The following EPHA8 variants were observed in gnomAD, a reference collection of about 807,000 sequenced individuals.
EPHA8 encodes ephrin type-A receptor 8.
Under a neutral mutation model 103.6 loss-of-function variants are expected in EPHA8, and 58 were observed. That is an observed-to-expected ratio of 0.56 (90% confidence interval 0.45 to 0.70). The LOEUF (loss-of-function observed/expected upper bound fraction) is 0.70, where lower values mean the gene tolerates loss of function less well. Ranked by LOEUF, EPHA8 falls within the 30% of genes least tolerant of loss-of-function variation. The pLI is 0.00. For missense variants in EPHA8, 1,304 were observed against 1,395.2 expected (o/e 0.93, Z 1.04); for synonymous variants, 559 against 572.5 (o/e 0.98, Z 0.34).
chr1:22,601,407 G>C lies in EPHA8; in HGVS notation c.2837G>C (p.Arg946Pro). 6.2e-7 allele frequency: 1 copy of C among 1,611,416 alleles called. No homozygotes were observed. The highest frequency in any genetic ancestry group is 8.5e-7 in the Non-Finnish European group (1 of 1,179,850). The stretch of plus-strand genomic sequence containing the variant: ...TGGCTGGACTCCATCCGCATGGGCC[G>C]GTACCGAGACCACTTCGCTGCGGGC... ...GDWLDSIRMG[R>P]YRDHFAAGGY... Residue 946 changes from arginine (R) to proline (P), a missense_variant, in exon 16 of 17, where the codon CGG (arginine) becomes CCG (proline). Transcript: ENST00000166244.
chr1:22,571,711 C>T (rs1414745462), intron 2 of EPHA8, among the ~76,000 whole-genome samples: 2 of 152,150 alleles, frequency 1.3e-5, no homozygotes, highest in Non-Finnish European at 2.9e-5. Flanking sequence ...CAGAGTCCCA[C>T]ATCCAGGAGG....
intron 1 of EPHA8, among the ~76,000 whole-genome samples, chr1:22,568,664 C>T (rs1640439036): frequency 6.6e-6 from 1 of 152,230 alleles, no homozygotes; most frequent in Non-Finnish European, 1.5e-5. Flanking sequence ...CAGCTCTTAC[C>T]CCGCTAAGCC....
chr1:22,579,579 G>T (rs757740362), intron 3 of EPHA8, among the ~76,000 whole-genome samples: 3 of 152,202 alleles, frequency 2.0e-5, no homozygotes, highest in Non-Finnish European at 4.4e-5. Context: ...AGCTTGTGTG[G>T]ACAAACAGCA....
chr1:22,570,390 G>A (rs553879249), intron 2 of EPHA8, among the ~76,000 whole-genome samples: 29 of 84,752 alleles, frequency 3.4e-4, no homozygotes, highest in African/African-American at 1.1e-3. Context: ...ACACGCGCGC[G>A]CGCATACGCA....
chr1:22,601,093 C>T lies in EPHA8; in HGVS notation c.2729+5C>T. On this transcript the variant is annotated splice_donor_5th_base_variant and intron_variant, in intron 15 of 16. Transcript: ENST00000166244. ...GGCCACCGCCACAGTCAGCAGGTGC[C>T]TTGTGCCCACCCCAGCTCCTTGAGG... 6.3e-7 allele frequency: 1 copy of T among 1,599,314 alleles called. No homozygotes were observed. The highest frequency in any genetic ancestry group is 8.5e-7 in the Non-Finnish European group (1 of 1,172,752).
Position 22,597,894 on chromosome 1 carries a change from A to G in EPHA8, c.2116+33A>G. ...CCGGGCAAAGACAGCCTCCCCCTGC[A>G]GTGCCCCTCCTGCCTGGAGAGGCCT... On this transcript the variant is annotated intron_variant, in intron 11 of 16. Coordinates refer to ENST00000166244, the MANE Select transcript of EPHA8 (RefSeq NM_020526.5). This position sits in a 1 kb window ranked among gnomAD's most constrained non-coding sequence, Gnocchi z 4.6. 1 of 1,590,752 alleles carries G rather than the reference A, an allele frequency of 6.3e-7. No individual in the cohort carries two copies. The highest frequency in any genetic ancestry group is 1.2e-5 in the South Asian group (1 of 86,834).
chr1:22,564,622 CAAG>C (rs1425411957), intron 1 of EPHA8, among the ~76,000 whole-genome samples: 3 of 151,972 alleles, frequency 2.0e-5, no homozygotes, highest in Non-Finnish European at 4.4e-5. Flanking sequence ...GGTGGGGGCA[CAAG>C]AAGAGCTGAG....
chr1:22,570,535 AGG>A (rs1640511912), intron 2 of EPHA8, among the ~76,000 whole-genome samples: 3 of 152,266 alleles, frequency 2.0e-5, no homozygotes, highest in East Asian at 1.9e-4. Context: ...CGACACCAAC[AGG>A]TAACATTTAT....
intron 3 of EPHA8, among the ~76,000 whole-genome samples, chr1:22,578,872 TGTCC>T (rs1265782950): frequency 2.7e-4 from 35 of 131,456 alleles, no homozygotes; most frequent in African/African-American, 1.4e-3. Flanking sequence ...TATATGCACG[TGTCC>T]GTGTGTCCGT....
chr1:22,581,758 C>T (rs745760204), intron 3 of EPHA8, among the ~76,000 whole-genome samples: 1 of 152,178 alleles, frequency 6.6e-6, no homozygotes, highest in Non-Finnish European at 1.5e-5. Flanking sequence ...AATAATACAA[C>T]GTAATTATGC....
intron 9 of EPHA8, among the ~76,000 whole-genome samples, 196 bp downstream of exon 9, chr1:22,596,369 C>A (rs1641518860): frequency 6.6e-6 from 1 of 152,206 alleles, no homozygotes; most frequent in Admixed American, 6.5e-5. Flanking sequence ...ACTCTCAGAC[C>A]CCATTCAGGA....
intron 3 of EPHA8, among the ~76,000 whole-genome samples, chr1:22,578,168 A>ATGTGCG (rs1557559721): frequency 7.7e-5 from 3 of 38,892 alleles, no homozygotes; most frequent in East Asian, 8.6e-4. Flanking sequence ...GCATGAGTGT[A>ATGTGCG]TGTGTGCATG....
intron 13 of EPHA8, among the ~76,000 whole-genome samples, chr1:22,600,122 GGA>G: frequency 2.4e-5 from 3 of 122,664 alleles, no homozygotes; most frequent in Non-Finnish European, 5.2e-5. Context: ...AAGGAAGGAG[GGA>G]AGGAGAGAAG....
intron 1 of EPHA8, among the ~76,000 whole-genome samples, chr1:22,568,455 G>A (rs1260364160): frequency 2.6e-5 from 4 of 152,214 alleles, no homozygotes; most frequent in Non-Finnish European, 2.9e-5. Flanking sequence ...CGTTGCTACA[G>A]CAAGTGCTCC....
chr1:22,586,775 T>TGTGG, intron 4 of EPHA8, 140 bp downstream of exon 4: 1 of 997,712 alleles, frequency 1.0e-6, no homozygotes, highest in African/African-American at 2.6e-5. Flanking sequence ...GAGGCCAGTC[T>TGTGG]GAGGTGGGGG....
In EPHA8 at chr1:22,569,181, C is replaced by T. The variant is rs915790584; in HGVS notation, c.95-108C>T. 11 of 1,037,168 alleles carry T rather than the reference C, an allele frequency of 1.1e-5. No homozygotes were observed. The highest frequency in any genetic ancestry group is 1.6e-5 in the Non-Finnish European group (11 of 674,584). The allele number at this position is 1,037,168 out of a possible 1,614,324, so 64.2% of individuals were successfully genotyped here. On this transcript the variant is annotated intron_variant, in intron 1 of 16. Transcript: ENST00000166244. This position sits in a 1 kb window ranked among gnomAD's most constrained non-coding sequence, Gnocchi z 4.5. ...ATTCAGGCAGAGGGACCCGTGTGAG[C>T]TGTGTGCTGGGGGCTGAGTGTGGAC...
At chr1:22,565,401 G>T (rs1379353949) in intron 1 of EPHA8, among the ~76,000 whole-genome samples, 2 of 152,192 alleles carry the variant, frequency 1.3e-5, no homozygotes, top group Non-Finnish European at 1.5e-5. Flanking sequence ...TCTGGGGTTG[G>T]GGGGTGCTGG....
intron 13 of EPHA8, among the ~76,000 whole-genome samples, chr1:22,599,919 A>G (rs1280827533): frequency 3.0e-5 from 1 of 32,992 alleles, no homozygotes; most frequent in Non-Finnish European, 5.3e-5. Flanking sequence ...GAAGGAGAGA[A>G]GGGACGAGGG....
At chr1:22,575,288 G>A (rs570586889) in intron 2 of EPHA8, among the ~76,000 whole-genome samples, 11 of 152,304 alleles carry the variant, frequency 7.2e-5, no homozygotes, top group Admixed American at 2.0e-4. Context: ...ATCCTAATGC[G>A]TATGAAGTGG....
Sources: gnomAD v4.1 joint callset for allele counts (sites outside exome capture counted in the v4.1 genomes callset) on GRCh38, gnomAD v4.1.1 for gene constraint, Gnocchi (gnomAD v3.1) non-coding constraint, MANE v1.5 for transcripts, NCBI Gene and HGNC (gene_info 2026-07-23, HGNC 2026-07-21) for gene names.